Variants in TBC1D32 observed in about 807,000 individuals in gnomAD.
TBC1D32 encodes protein broad-minded.
TBC1D32 carries 151 observed loss-of-function variants against 170.3 expected under a neutral mutation model. The ratio of observed to expected loss-of-function variants is 0.89; its 90% CI spans 0.78 to 1.01. The LOEUF is 1.01. Ranked by LOEUF, TBC1D32 falls within the 50% of genes least tolerant of loss-of-function variation. The pLI is 0.00. For synonymous variants in TBC1D32, 498 were observed against 488.0 expected, an observed-to-expected ratio of 1.02 and a Z score of -0.27; for missense variants, 1,464 against 1,457.1, an observed-to-expected ratio of 1.00 and a Z score of -0.08.
rs935995450 is a variant in TBC1D32, at chr6:121,270,640, G to C, written c.1733+8481C>G. Reference sequence around the variant, plus strand: ...ATTAATAGCCTACCAACCAAAAAAAGTCCAGGACCAGACGGATTCACAGCC... The same window carrying C: ...ATTAATAGCCTACCAACCAAAAAAACTCCAGGACCAGACGGATTCACAGCC... On this transcript the variant is annotated intron_variant, in intron 15 of 31. Coordinates refer to ENST00000398212, the MANE Select transcript of TBC1D32 (RefSeq NM_152730.6). Among the ~76,000 whole-genome samples, 9 of 152,188 alleles carry C rather than the reference G, an allele frequency of 5.9e-5. No homozygotes were observed. In the East Asian group the frequency reaches 1.7e-3, roughly 29 times the overall value.
At chr6:121,153,081 T>C (rs1784409751) in intron 24 of TBC1D32, among the ~76,000 whole-genome samples, 1 of 152,100 alleles carries the variant, frequency 6.6e-6, no homozygotes, top group Non-Finnish European at 1.5e-5. Flanking sequence ...AGAAAAGGTG[T>C]TCTGGTTTTT....
intron 22 of TBC1D32, among the ~76,000 whole-genome samples, chr6:121,174,715 A>G (rs810826): frequency 0.12 from 17,712 of 152,132 alleles, 1,481 homozygotes; most frequent in Admixed American, 0.23. Flanking sequence ...ACTCTAATAC[A>G]CACAGGAATT....
intron 24 of TBC1D32, among the ~76,000 whole-genome samples, chr6:121,144,006 A>G (rs570344290): frequency 2.6e-5 from 4 of 152,270 alleles, no homozygotes; most frequent in East Asian, 1.9e-4. Flanking sequence ...TAGGCTATCT[A>G]TTGCTGCCTA....
At chr6:121,171,672 G>A (rs1056741675) in intron 22 of TBC1D32, among the ~76,000 whole-genome samples, 4 of 152,090 alleles carry the variant, frequency 2.6e-5, no homozygotes, top group Non-Finnish European at 4.4e-5. Flanking sequence ...TGTATGTGGA[G>A]GGAGGGAGAT....
At chr6:121,284,237 A>C (rs191797877) in intron 12 of TBC1D32, among the ~76,000 whole-genome samples, 74 of 152,192 alleles carry the variant, frequency 4.9e-4, no homozygotes, top group African/African-American at 1.7e-3. Context: ...AGGAGTAGTA[A>C]AATTCAGCTT....
Position 121,111,720 on chromosome 6 carries a change from ATTGAT to A in TBC1D32, c.3324+780_3324+784del, listed in dbSNP as rs559230692. On this transcript the variant is annotated intron_variant, in intron 29 of 31. Transcript: ENST00000398212. ...TAATATTTATTGTATTCCATGATGA[ATTGAT>A]TTTATTTTCCTTATCACAAATATAT... is the stretch of plus-strand genomic sequence containing the variant. Among the ~76,000 whole-genome samples the A allele has an allele frequency of 3.2e-3, 488 of 152,114 alleles. 1 individual carries two copies. Among genetic ancestry groups the A allele is most frequent in the African/African-American group, 0.011 (471 of 41,448 alleles).
At chr6:121,116,546 T>C (rs906701582) in intron 26 of TBC1D32, among the ~76,000 whole-genome samples, 9 of 152,200 alleles carry the variant, frequency 5.9e-5, no homozygotes, top group Non-Finnish European at 1.2e-4. Context: ...GTTTTTTCTC[T>C]TCTGGAAAGT....
intron 3 of TBC1D32, among the ~76,000 whole-genome samples, chr6:121,313,422 T>C (rs530053829): frequency 1.7e-4 from 26 of 151,856 alleles, no homozygotes; most frequent in African/African-American, 6.3e-4. Flanking sequence ...TAGCTGAAAC[T>C]ACAGGCACGC....
chr6:121,293,998 G>A (rs901496637), intron 11 of TBC1D32, among the ~76,000 whole-genome samples: 1 of 151,974 alleles, frequency 6.6e-6, no homozygotes, highest in Non-Finnish European at 1.5e-5. Context: ...GGCAGTAGGA[G>A]TAAAAATAAT....
intron 10 of TBC1D32, among the ~76,000 whole-genome samples, chr6:121,295,184 G>C (rs1480818917): frequency 6.7e-6 from 1 of 149,892 alleles, no homozygotes; most frequent in Non-Finnish European, 1.5e-5. Flanking sequence ...TCTCCTATTA[G>C]TCTCCATTCT....
intron 5 of TBC1D32, among the ~76,000 whole-genome samples, chr6:121,305,566 A>C (rs1449062298): frequency 6.6e-6 from 1 of 152,054 alleles, no homozygotes; most frequent in Non-Finnish European, 1.5e-5. Context: ...TGTTGATACC[A>C]GTTTAGATAA....
At chr6:121,113,220 C>T (rs749262074) in intron 27 of TBC1D32, 43 bp from the exon 28 acceptor site, 14 of 1,331,908 alleles carry the variant, frequency 1.1e-5, no homozygotes, top group South Asian at 9.1e-5. Flanking sequence ...TCAGGTCTTG[C>T]ATTGAATGTT....
At chr6:121,254,057 TA>T (rs147123044) in intron 17 of TBC1D32, among the ~76,000 whole-genome samples, 17 of 146,946 alleles carry the variant, frequency 1.2e-4, no homozygotes, top group South Asian at 6.5e-4. Context: ...TACTCAGTCA[TA>T]AAAAAAAAAG....
intron 29 of TBC1D32, among the ~76,000 whole-genome samples, chr6:121,109,648 T>C (rs1358238950): frequency 2.0e-5 from 3 of 152,148 alleles, no homozygotes; most frequent in Non-Finnish European, 4.4e-5. Flanking sequence ...AAAGTTTTTT[T>C]CTTAGTAGCA....
intron 22 of TBC1D32, among the ~76,000 whole-genome samples, chr6:121,177,790 T>A (rs1787975615): frequency 6.6e-6 from 1 of 152,178 alleles, no homozygotes; most frequent in Non-Finnish European, 1.5e-5. Flanking sequence ...CCCCAAGATA[T>A]CAAACTATGG....
chr6:121,127,871 C>T (rs139459940), intron 25 of TBC1D32, among the ~76,000 whole-genome samples: 16 of 152,266 alleles, frequency 1.1e-4, no homozygotes, highest in East Asian at 3.9e-4. Flanking sequence ...GTTTGCTACA[C>T]GCTATGTATT....
chr6:121,312,184 G>T (rs140619872), intron 3 of TBC1D32, among the ~76,000 whole-genome samples: 3,636 of 152,100 alleles, frequency 0.024, 159 homozygotes, highest in East Asian at 0.12. Context: ...CACACACTGG[G>T]GCCTGTCAGG....
chr6:121,240,002 G>T (rs985066215), intron 19 of TBC1D32, among the ~76,000 whole-genome samples: 2 of 152,086 alleles, frequency 1.3e-5, no homozygotes, highest in African/African-American at 4.8e-5. Context: ...CAAAAATCCT[G>T]TGACTTCTTG....
intron 30 of TBC1D32, among the ~76,000 whole-genome samples, chr6:121,102,510 T>C (rs1343109554): frequency 2.0e-5 from 3 of 152,086 alleles, no homozygotes; most frequent in Non-Finnish European, 4.4e-5. Context: ...ATTTAATAAA[T>C]GGTGCTGGGA....
Sources: gnomAD v4.1 joint callset for allele counts (sites outside exome capture counted in the v4.1 genomes callset) on GRCh38, gnomAD v4.1.1 for gene constraint, MANE v1.5 for transcripts, NCBI Gene and HGNC (gene_info 2026-07-23, HGNC 2026-07-21) for gene names.